ADGRE5: variants seen among roughly 807,000 people sequenced by gnomAD.
ADGRE5 encodes the protein CD97 molecule.
In ADGRE5, 72 loss-of-function variants were observed where a neutral mutation model predicts 100.3. The ratio of observed to expected loss-of-function variants is 0.72; its 90% CI spans 0.59 to 0.87. ADGRE5 has a LOEUF of 0.87. ADGRE5 is among the 40% of genes least tolerant of loss of function. ADGRE5 has a pLI of 0.00. For missense variants in ADGRE5, 959 were observed against 1,094.7 expected, an observed-to-expected ratio of 0.88 and a Z score of 1.75; for synonymous variants, 439 against 447.8, an observed-to-expected ratio of 0.98 and a Z score of 0.25.
intron 1 of ADGRE5, among the ~76,000 whole-genome samples, chr19:14,384,706 C>G (rs1975273196): frequency 6.6e-6 from 1 of 151,832 alleles, no homozygotes; most frequent in African/African-American, 2.4e-5. Context: ...CTCTGTCTCT[C>G]TGTTCTCTCT....
At chr19:14,398,025 C>T in intron 8 of ADGRE5, 37 bp from the exon 9 acceptor site, 2 of 1,604,534 alleles carry the variant, frequency 1.2e-6, no homozygotes, top group South Asian at 2.2e-5. Context: ...CACCCGCCGT[C>T]CAGGCTCTCT....
intron 9 of ADGRE5, among the ~76,000 whole-genome samples, chr19:14,400,709 T>G (rs1975974643): frequency 6.6e-6 from 1 of 151,972 alleles, no homozygotes; most frequent in South Asian, 2.1e-4. Context: ...GGAGAATCAC[T>G]TGAACCCAGA....
chr19:14,390,858 T>TG (rs1975575908), intron 3 of ADGRE5, 66 bp from the exon 4 acceptor site: 4 of 1,577,394 alleles, frequency 2.5e-6, no homozygotes, highest in Non-Finnish European at 3.5e-6. Context: ...GGAGTCAGGA[T>TG]GGGGGTCTCT....
At chr19:14,396,643 C>T (rs906857919) in intron 5 of ADGRE5, among the ~76,000 whole-genome samples, 170 bp downstream of exon 5, 1 of 152,250 alleles carries the variant, frequency 6.6e-6, no homozygotes, top group South Asian at 2.1e-4. Context: ...TCCTGCCACA[C>T]GGCAGGGAGG....
chr19:14,400,846 T>C (rs1182104542), intron 9 of ADGRE5, among the ~76,000 whole-genome samples: 1 of 152,106 alleles, frequency 6.6e-6, no homozygotes, highest in African/African-American at 2.4e-5. Context: ...ATCCAACGTA[T>C]TAACCACTTT....
At chr19:14,396,104 G>A in intron 4 of ADGRE5, 1 of 622,164 alleles carries the variant, frequency 1.6e-6, no homozygotes, top group African/African-American at 1.9e-5. Flanking sequence ...GGACACCCCA[G>A]CTTGGAGCTG....
chr19:14,401,398 T>G lies in ADGRE5; in HGVS notation c.910T>G (p.Leu304Val), dbSNP rs929619223. ...CGCCACCCCCTAGAATGTCATCAAA[T>G]TGGTGGATGAACTGATGGAAGCTCC... ...AEVTIQNVIK[L>V]VDELMEAPGD... is the part of the protein sequence containing the mutation. Residue 304 changes from leucine (L) to valine (V), a missense_variant, in exon 10 of 20, where the codon TTG (leucine) becomes GTG (valine). By Grantham distance (32) the Leu-to-Val change is conservative. Transcript: ENST00000242786. This position sits in a 1 kb window ranked among gnomAD's most constrained non-coding sequence, Gnocchi z 4.1. 1 of 1,613,764 alleles carries G rather than the reference T, an allele frequency of 6.2e-7. No individual in the cohort carries two copies.
chr19:14,405,981 G>T (rs780720952), intron 14 of ADGRE5, 42 bp downstream of exon 14: 1 of 1,541,826 alleles, frequency 6.5e-7, no homozygotes, highest in East Asian at 2.3e-5. Context: ...TGGGGTCAGG[G>T]AGGCCTGGGA....
chr19:14,402,053 C>A (rs1976034107), intron 11 of ADGRE5, among the ~76,000 whole-genome samples: 1 of 151,896 alleles, frequency 6.6e-6, no homozygotes, highest in South Asian at 2.1e-4. Context: ...ATCAATTGAG[C>A]CCGGGAGGTC....
At chr19:14,402,418 G>A (rs2146370502) in intron 11 of ADGRE5, among the ~76,000 whole-genome samples, 179 bp from the exon 12 acceptor site, 1 of 151,346 alleles carries the variant, frequency 6.6e-6, no homozygotes, top group East Asian at 1.9e-4. Flanking sequence ...CTGGGCGAAA[G>A]AGCGAAACTC....
At position 14,405,934 on chromosome 19, in the gene ADGRE5, G is replaced by T. The variant is rs761907346; in HGVS notation, c.1816G>T (p.Gly606Cys). 1.2e-6 allele frequency: 2 copies of T among 1,606,012 alleles called. No individual in the cohort carries two copies. Among genetic ancestry groups the T allele is most frequent in the Non-Finnish European group, 1.7e-6 (2 of 1,179,616 alleles). The stretch of plus-strand genomic sequence containing the variant: ...CCTGGCCGGCATCGAGAACGAAGGC[G>T]GCCAGGTGAGGTCCCGCCCCGCTCC... Reference protein sequence around the residue: ...IFLAGIENEGGQVGLRCRLVA... With the variant: ...IFLAGIENEGCQVGLRCRLVA... Residue 606 changes from glycine (G) to cysteine (C), a missense_variant, in exon 14 of 20, where the codon GGC (glycine) becomes TGC (cysteine). Transcript: ENST00000242786.
intron 1 of ADGRE5, among the ~76,000 whole-genome samples, chr19:14,382,094 A>G (rs183089525): frequency 9.0e-4 from 137 of 152,234 alleles, no homozygotes; most frequent in African/African-American, 3.2e-3. Context: ...CTGGGTTTGA[A>G]TTTGATTTTT....
intron 1 of ADGRE5, among the ~76,000 whole-genome samples, chr19:14,384,333 A>C (rs1202383656): frequency 6.6e-6 from 1 of 152,032 alleles, no homozygotes; most frequent in Non-Finnish European, 1.5e-5. Context: ...TCCAATCTGC[A>C]CCCCAAACAC....
intron 9 of ADGRE5, among the ~76,000 whole-genome samples, chr19:14,398,842 GTT>G (rs59412226): frequency 1.4e-5 from 2 of 142,992 alleles, no homozygotes; most frequent in Non-Finnish European, 1.5e-5. Flanking sequence ...GTTTGTTTGC[GTT>G]TTTTTTTTTT....
At chr19:14,389,314 GGGGGATGGGGGA>G (rs1259453523) in intron 3 of ADGRE5, among the ~76,000 whole-genome samples, 10 of 468 alleles carry the variant, frequency 0.021, no homozygotes, top group South Asian at 0.038. Context: ...GGGAAGGGGA[GGGGGATGGGGGA>G]GGGAGGGGGG....
intron 3 of ADGRE5, among the ~76,000 whole-genome samples, chr19:14,390,691 C>G (rs1975570633): frequency 1.3e-5 from 2 of 152,186 alleles, no homozygotes; most frequent in Non-Finnish European, 2.9e-5. Flanking sequence ...CCATCCCTCA[C>G]CTCAGCACTG....
chr19:14,396,565 G>T (rs1209756043), intron 5 of ADGRE5, 92 bp downstream of exon 5: 9 of 1,555,382 alleles, frequency 5.8e-6, no homozygotes, highest in Non-Finnish European at 7.9e-6. Flanking sequence ...GGAGGGGGAA[G>T]ATCCGCAGGT....
chr19:14,404,218 C>T (rs1976126969), intron 12 of ADGRE5, among the ~76,000 whole-genome samples, 165 bp from the exon 13 acceptor site: 1 of 152,178 alleles, frequency 6.6e-6, no homozygotes, highest in African/African-American at 2.4e-5. Flanking sequence ...AGGGTAGGTA[C>T]TTGTGTGTGC....
chr19:14,381,907 C>G, intron 1 of ADGRE5, among the ~76,000 whole-genome samples: 1 of 147,982 alleles, frequency 6.8e-6, no homozygotes, highest in Non-Finnish European at 1.5e-5. Context: ...TAATATAACG[C>G]ATAGAAGGAC....
Sources: gnomAD v4.1 joint callset for allele counts (sites outside exome capture counted in the v4.1 genomes callset) on GRCh38, gnomAD v4.1.1 for gene constraint, Gnocchi (gnomAD v3.1) non-coding constraint, MANE v1.5 for transcripts, NCBI Gene and HGNC (gene_info 2026-07-23, HGNC 2026-07-21) for gene names.